CCZ1B: variants seen among roughly 807,000 people sequenced by gnomAD.
CCZ1B encodes the protein CCZ1B vacuolar protein trafficking and biogenesis associated, also known as vacuolar fusion protein CCZ1 homolog B.
A neutral mutation model predicts 58.8 loss-of-function variants in CCZ1B; 25 were observed. The observed-to-expected ratio is 0.43, with a 90% CI of 0.31 to 0.59. The LOEUF is 0.59. Among genes scored for constraint, CCZ1B ranks in the 20% least tolerant of loss-of-function variants. The pLI, the probability that CCZ1B is intolerant of heterozygous loss-of-function variation, is 0.12. For synonymous variants in CCZ1B, 66 were observed against 173.2 expected (o/e 0.38, Z 4.86); for missense variants, 180 against 501.5 (o/e 0.36, Z 6.12).
At chr7:6,813,335 C>T (rs1486865517) in intron 8 of CCZ1B, among the ~76,000 whole-genome samples, 2 of 149,408 alleles carry the variant, frequency 1.3e-5, no homozygotes, top group African/African-American at 5.1e-5. Context: ...CCTATAATCC[C>T]AGCACTTTGG....
At chr7:6,822,892 GA>G (rs1361134906) in intron 5 of CCZ1B, among the ~76,000 whole-genome samples, 1 of 146,360 alleles carries the variant, frequency 6.8e-6, no homozygotes, top group Non-Finnish European at 1.5e-5. Context: ...TTTTTGTAGA[GA>G]TGGGGTCTTG....
intron 12 of CCZ1B, among the ~76,000 whole-genome samples, chr7:6,804,051 A>G (rs1782799990): frequency 6.6e-6 from 1 of 150,538 alleles, no homozygotes; most frequent in Admixed American, 6.7e-5. Flanking sequence ...TAGAGAGCCC[A>G]TTTAAAAGCA....
In CCZ1B at chr7:6,814,857, G is replaced by C. The variant is rs755619779; in HGVS notation, c.699-12C>G. 2 of 1,576,486 alleles carry C rather than the reference G, an allele frequency of 1.3e-6. No homozygotes were observed. The highest frequency in any genetic ancestry group is 1.7e-5 in the Admixed American group (1 of 58,308). On this transcript the variant is annotated splice_polypyrimidine_tract_variant and intron_variant, in intron 7 of 14. Transcript: ENST00000316731. ...GTTCTAATCCACTCCTGCAACAACA[G>C]AAAAGCACTGGGTTAAACGTTTCGA...
chr7:6,821,099 C>G (rs1263163171), intron 6 of CCZ1B, among the ~76,000 whole-genome samples: 4 of 147,154 alleles, frequency 2.7e-5, no homozygotes, highest in Non-Finnish European at 6.0e-5. Flanking sequence ...ACCTCTGCCT[C>G]TGGGGTTCAA....
chr7:6,809,868 GTC>G (rs1562427991), intron 10 of CCZ1B, among the ~76,000 whole-genome samples: 1 of 145,410 alleles, frequency 6.9e-6, no homozygotes, highest in Non-Finnish European at 1.5e-5. Flanking sequence ...TCCTTGTACC[GTC>G]TCACACATGA....
chr7:6,824,547 T>C lies in CCZ1B; in HGVS notation c.220A>G (p.Thr74Ala). The change falls in exon 3 of 15, where the codon ACA becomes GCA. Residue 74 changes from threonine to alanine, a missense_variant and splice_region_variant. Transcript: ENST00000316731. The part of the protein sequence containing the change: ...LCEAIVQFTR[T>A]FSPSKPAKSL... ...TTTGCAGGTTTTGATGGGCTAAATG[T>C]CCTACAAAGGTTAAAAAAATATGTT... 6.2e-7 allele frequency: 1 copy of C among 1,609,864 alleles called. No individual in the cohort carries two copies. The highest frequency in any genetic ancestry group is 8.5e-7 in the Non-Finnish European group (1 of 1,179,128).
chr7:6,823,512 G>GTTTT (rs1562433408), intron 4 of CCZ1B, 152 bp from the exon 5 acceptor site: 20 of 777,028 alleles, frequency 2.6e-5, no homozygotes, highest in East Asian at 1.7e-4. Context: ...AAGTGTTTGC[G>GTTTT]TTCTTTTTTT....
chr7:6,817,810 C>T (rs113536394), intron 7 of CCZ1B, among the ~76,000 whole-genome samples: 3 of 148,978 alleles, frequency 2.0e-5, no homozygotes, highest in Admixed American at 6.7e-5. Context: ...GTCAGGAGTT[C>T]GAGACCAGCC....
At chr7:6,804,091 C>T (rs4623308) in intron 12 of CCZ1B, among the ~76,000 whole-genome samples, 18,426 of 138,764 alleles carry the variant, frequency 0.13, 48 homozygotes, top group South Asian at 0.28. Flanking sequence ...TGCTTTCCAT[C>T]GCCTCACTTT....
intron 6 of CCZ1B, among the ~76,000 whole-genome samples, chr7:6,821,254 C>T (rs551013116): frequency 6.7e-6 from 1 of 150,078 alleles, no homozygotes; most frequent in African/African-American, 2.5e-5. Context: ...TCAAGATCTG[C>T]CCGCCTCGGC....
At chr7:6,819,412 T>C (rs566122875) in intron 7 of CCZ1B, among the ~76,000 whole-genome samples, 1 of 148,646 alleles carries the variant, frequency 6.7e-6, no homozygotes, top group Non-Finnish European at 1.5e-5. Flanking sequence ...ATTTTTGTAT[T>C]TTTAGTAGAG....
At chr7:6,808,539 CTT>C in intron 10 of CCZ1B, among the ~76,000 whole-genome samples, 1 of 150,678 alleles carries the variant, frequency 6.6e-6, no homozygotes, top group African/African-American at 2.5e-5. Context: ...AACCTGTATT[CTT>C]CCACTGTAAT....
At chr7:6,816,512 A>T (rs1272785085) in intron 7 of CCZ1B, among the ~76,000 whole-genome samples, 4 of 150,406 alleles carry the variant, frequency 2.7e-5, no homozygotes, top group Non-Finnish European at 5.9e-5. Context: ...GCAATATACT[A>T]AGTAAATACA....
rs1398479920 is a variant in CCZ1B at position 6,826,180 on chromosome 7, G to A, written c.18C>T (p.Ala6=). 25 of 495,454 alleles carry A rather than the reference G, an allele frequency of 5.0e-5. No individual in the cohort carries two copies. Among genetic ancestry groups the A allele is most frequent in the Non-Finnish European group, 1.8e-5 (5 of 282,744 alleles). 30.7% of individuals were successfully genotyped at this position (495,454 alleles called of 1,614,324 possible). The change falls in exon 1 of 15, where the codon GCC becomes GCT. Residue 6 remains alanine, a synonymous_variant. Transcript: ENST00000316731. MAAAA[A]GAGSGPWAAQ... ...CCGCCCAGGGCCCGCTCCCGGCCCC[G>A]GCCGCCGCTGCAGCCATCCCGCCCC... is the stretch of plus-strand genomic sequence containing the variant.
chr7:6,821,399 G>A lies in CCZ1B; in HGVS notation c.522+882C>T, dbSNP rs1488337001. On this transcript the variant is annotated intron_variant, in intron 6 of 14. Coordinates refer to ENST00000316731, the MANE Select transcript of CCZ1B (RefSeq NM_198097.5). ...ATATGTTGACGGGTAAGAGAGAAAT[G>A]AGGACAAGAACAGAAACCAGGAGAT... Among the ~76,000 whole-genome samples, 6 of 152,396 alleles carry A rather than the reference G, an allele frequency of 3.9e-5. No individual in the cohort carries two copies. In the East Asian group the frequency reaches 1.2e-3, roughly 29 times the overall value.
Position 6,813,580 on chromosome 7 carries a change from G to A in CCZ1B, c.781-543C>T, listed in dbSNP as rs147653564. ...AATATTGGAGAGCGGGAGGACAAGA[G>A]GGAGGGAATGAACAAGCGAAGAGAG... On this transcript the variant is annotated intron_variant, in intron 8 of 14. Coordinates refer to ENST00000316731, the MANE Select transcript of CCZ1B (RefSeq NM_198097.5). 1.9e-4 allele frequency among the ~76,000 whole-genome samples: 29 copies of A among 149,372 alleles called. 1 individual carries two copies. The highest frequency in any genetic ancestry group is 7.1e-4 in the African/African-American group (28 of 39,544).
intron 6 of CCZ1B, among the ~76,000 whole-genome samples, chr7:6,820,291 G>C (rs1309145560): frequency 6.7e-6 from 1 of 149,328 alleles, no homozygotes; most frequent in East Asian, 1.9e-4. Flanking sequence ...CCATTCTCCT[G>C]CCTCAGCCTC....
intron 8 of CCZ1B, among the ~76,000 whole-genome samples, chr7:6,813,970 A>G (rs1207016784): frequency 6.8e-6 from 1 of 147,856 alleles, no homozygotes; most frequent in Non-Finnish European, 1.5e-5. Context: ...ACATGGTGAA[A>G]CTCCATCTCT....
rs745993926 is a variant in CCZ1B, at chr7:6,824,636, T to C, written c.218+4A>G. On this transcript the variant is annotated splice_donor_region_variant and intron_variant, in intron 2 of 14. Transcript: ENST00000316731. ...AACGCTAAAGGCACACTTAGAGGTATTACCTTGTAAACTGTACAATAGCTT... is the reference window on the plus strand; with the variant it reads ...AACGCTAAAGGCACACTTAGAGGTACTACCTTGTAAACTGTACAATAGCTT... The C allele has an allele frequency of 2.0e-5, 32 of 1,612,332 alleles. No homozygotes were observed. The highest frequency in any genetic ancestry group is 1.2e-4 in the Admixed American group (7 of 59,890).
Sources: allele counts gnomAD v4.1 joint callset (sites outside exome capture counted in the v4.1 genomes callset), GRCh38; gene constraint gnomAD v4.1.1; transcripts MANE v1.5; gene names NCBI Gene and HGNC (gene_info 2026-07-23, HGNC 2026-07-21).